MALRD1: variants seen among roughly 807,000 people sequenced by gnomAD.
MALRD1 encodes MAM and LDL receptor class A domain containing 1.
MALRD1 carries 247 observed loss-of-function variants against 242.1 expected under a neutral mutation model. The observed-to-expected ratio is 1.02, with a 90% CI of 0.92 to 1.13. The LOEUF is 1.13. Ranked by LOEUF, MALRD1 falls within the 50% of genes most tolerant of loss-of-function variation. MALRD1 has a pLI of 0.00. For synonymous variants in MALRD1, 995 were observed against 866.6 expected (o/e 1.15, Z -2.60); for missense variants, 2,989 against 2,533.1 (o/e 1.18, Z -3.86).
intron 20 of MALRD1, 38 bp downstream of exon 20, chr10:19,280,261 A>G: frequency 1.4e-6 from 2 of 1,396,742 alleles, no homozygotes; most frequent in South Asian, 1.6e-5. Flanking sequence ...ATACTGCTAC[A>G]AAATAGAAAA....
At chr10:19,456,960 G>T (rs1287200508) in intron 29 of MALRD1, among the ~76,000 whole-genome samples, 1 of 151,664 alleles carries the variant, frequency 6.6e-6, no homozygotes, top group African/African-American at 2.4e-5. Context: ...CAAAACAAAA[G>T]AACCTGCCTT....
At chr10:19,298,879 C>T (rs756187548) in intron 21 of MALRD1, among the ~76,000 whole-genome samples, 6 of 151,906 alleles carry the variant, frequency 3.9e-5, no homozygotes, top group Non-Finnish European at 5.9e-5. Context: ...GAGGAGATAA[C>T]ATCATCCAGA....
chr10:19,281,963 CAAAAAAA>C (rs149370838), intron 20 of MALRD1, among the ~76,000 whole-genome samples: 107 of 79,868 alleles, frequency 1.3e-3, no homozygotes, highest in Non-Finnish European at 4.0e-4. Flanking sequence ...ACGATGTCTC[CAAAAAAA>C]AAAAAAAAAA....
chr10:19,724,862 A>ATTTGTTT (rs1834946103), intron 38 of MALRD1: 1 of 152,204 alleles, frequency 6.6e-6, no homozygotes, highest in Non-Finnish European at 1.5e-5. Flanking sequence ...AGAGCAAATA[A>ATTTGTTT]ACAAATTCAG....
At chr10:19,468,634 A>C (rs1836345291) in intron 29 of MALRD1, among the ~76,000 whole-genome samples, 1 of 151,888 alleles carries the variant, frequency 6.6e-6, no homozygotes, top group African/African-American at 2.4e-5. Context: ...TTTTCCAGTA[A>C]GCTAGGGAAT....
At chr10:19,430,494 C>A (rs1288485470) in intron 28 of MALRD1, among the ~76,000 whole-genome samples, 1 of 152,122 alleles carries the variant, frequency 6.6e-6, no homozygotes, top group Non-Finnish European at 1.5e-5. Context: ...CTTTATATTA[C>A]ACCTTGCTAA....
chr10:19,597,727 G>A (rs181677985), intron 34 of MALRD1, among the ~76,000 whole-genome samples: 1 of 152,280 alleles, frequency 6.6e-6, no homozygotes, highest in East Asian at 1.9e-4. Flanking sequence ...CAGTGAAAGT[G>A]AGGAATACTA....
intron 2 of MALRD1, among the ~76,000 whole-genome samples, chr10:19,086,746 G>T (rs1310681291): frequency 2.0e-5 from 3 of 152,114 alleles, no homozygotes; most frequent in African/African-American, 7.2e-5. Flanking sequence ...GAATGAACCT[G>T]AGAGGGGCCT....
intron 29 of MALRD1, among the ~76,000 whole-genome samples, chr10:19,453,063 T>G (rs1379547839): frequency 1.3e-5 from 2 of 152,220 alleles, no homozygotes; most frequent in Non-Finnish European, 2.9e-5. Context: ...TGTTACATTT[T>G]ATTATTACAG....
At chr10:19,407,294 A>G (rs1241646836) in intron 28 of MALRD1, among the ~76,000 whole-genome samples, 2 of 152,006 alleles carry the variant, frequency 1.3e-5, no homozygotes, top group East Asian at 3.9e-4. Context: ...ACATAGGCAG[A>G]CCCTATCACT....
chr10:19,665,093 A>G (rs1016798580), intron 36 of MALRD1, among the ~76,000 whole-genome samples: 2 of 152,152 alleles, frequency 1.3e-5, no homozygotes, highest in Admixed American at 1.3e-4. Context: ...GACAAAATAT[A>G]GATTAACAAG....
chr10:19,479,144 T>C (rs1027104877), intron 29 of MALRD1, among the ~76,000 whole-genome samples: 66 of 152,334 alleles, frequency 4.3e-4, no homozygotes, highest in Middle Eastern at 3.4e-3. Flanking sequence ...ATTGAGTATA[T>C]AGTGATGATT....
At chr10:19,729,599 G>A (rs1370844308) in intron 38 of MALRD1, among the ~76,000 whole-genome samples, 1 of 150,808 alleles carries the variant, frequency 6.6e-6, no homozygotes, top group African/African-American at 2.4e-5. Context: ...TTTCGTGTGT[G>A]TGTGTGTGTG....
At chr10:19,716,598 C>CAAG (rs1431629247) in intron 38 of MALRD1, among the ~76,000 whole-genome samples, 2 of 152,128 alleles carry the variant, frequency 1.3e-5, no homozygotes, top group Non-Finnish European at 2.9e-5. Context: ...CATAGCAATG[C>CAAG]AAGAATGGAA....
At chr10:19,677,088 C>T (rs1842168938) in intron 36 of MALRD1, among the ~76,000 whole-genome samples, 1 of 152,024 alleles carries the variant, frequency 6.6e-6, no homozygotes, top group South Asian at 2.1e-4. Flanking sequence ...GGGTTGACTC[C>T]ATATCTTTGC....
chr10:19,599,953 C>T (rs776493957), intron 34 of MALRD1, among the ~76,000 whole-genome samples: 3 of 152,118 alleles, frequency 2.0e-5, no homozygotes, highest in Middle Eastern at 3.2e-3. Context: ...ATCATCCAGC[C>T]TTCCAGGGCC....
intron 28 of MALRD1, among the ~76,000 whole-genome samples, chr10:19,434,133 T>G (rs979941391): frequency 1.3e-5 from 2 of 152,168 alleles, no homozygotes; most frequent in Admixed American, 1.3e-4. Flanking sequence ...GAGTCACATA[T>G]TGCCCCAAAT....
intron 26 of MALRD1, among the ~76,000 whole-genome samples, chr10:19,373,180 T>C (rs1370721271): frequency 7.0e-6 from 1 of 142,220 alleles, no homozygotes; most frequent in African/African-American, 2.7e-5. Flanking sequence ...GTTTCCTCCT[T>C]GCATTTCAGC....
intron 14 of MALRD1, among the ~76,000 whole-genome samples, chr10:19,197,494 C>A (rs1836318402): frequency 2.0e-5 from 3 of 152,016 alleles, no homozygotes; most frequent in South Asian, 4.2e-4. Context: ...CTTATTCTAC[C>A]CTCACTCATT....
Sources: gnomAD v4.1 joint callset for allele counts (sites outside exome capture counted in the v4.1 genomes callset) on GRCh38, gnomAD v4.1.1 for gene constraint, MANE v1.5 for transcripts, NCBI Gene and HGNC (gene_info 2026-07-23, HGNC 2026-07-21) for gene names.